Variants in PODN observed in about 807,000 individuals in gnomAD.
The protein encoded by PODN is podocan.
Under a neutral mutation model 52.7 loss-of-function variants are expected in PODN, and 40 were observed. That is an observed-to-expected ratio of 0.76 (90% CI 0.59 to 0.99). The LOEUF (loss-of-function observed/expected upper bound fraction) is 0.99. PODN is among the 50% of genes least tolerant of loss of function. The pLI is 0.00. For missense variants in PODN, 720 were observed against 815.1 expected, an observed-to-expected ratio of 0.88 and a Z score of 1.42; for synonymous variants, 396 against 377.9, an observed-to-expected ratio of 1.05 and a Z score of -0.56.
intron 4 of PODN, among the ~76,000 whole-genome samples, chr1:53,075,194 G>A (rs1004109646): frequency 1.3e-5 from 2 of 152,212 alleles, no homozygotes; most frequent in Admixed American, 6.5e-5. Flanking sequence ...TCCAGTGGTT[G>A]TCTCCAACTC....
chr1:53,077,067 C>T (rs1203672251), intron 5 of PODN, 123 bp from the exon 6 acceptor site: 1 of 1,261,362 alleles, frequency 7.9e-7, no homozygotes, highest in Non-Finnish European at 1.1e-6. Flanking sequence ...GTGCTTCTAA[C>T]TCTGTACCCT....
intron 10 of PODN, among the ~76,000 whole-genome samples, chr1:53,082,847 A>T (rs1644315020): frequency 6.6e-6 from 1 of 152,166 alleles, no homozygotes; most frequent in Non-Finnish European, 1.5e-5. Flanking sequence ...TGCCTAGACT[A>T]TGTACATACG....
At position 53,070,181 on chromosome 1, in the gene PODN, T is replaced by C; in HGVS notation, c.312+14T>C. The C allele has an allele frequency of 6.2e-7, 1 of 1,602,580 alleles. No homozygotes were observed. On this transcript the variant is annotated intron_variant, in intron 2 of 10. Coordinates refer to ENST00000312553, the MANE Select transcript of PODN (RefSeq NM_153703.5). ...CTATCTCTGCAGGTGAGGTCGGCGT[T>C]GCACCTGTGGTCACGGGGGCTGTCC...
chr1:53,077,895 C>A, intron 7 of PODN, 95 bp downstream of exon 7: 1 of 930,484 alleles, frequency 1.1e-6, no homozygotes, highest in South Asian at 1.6e-5. Flanking sequence ...CCCTCACGCA[C>A]GTCCCCTGCC....
At chr1:53,066,723 C>T (rs1644038010) in intron 1 of PODN, 2 of 1,265,406 alleles carry the variant, frequency 1.6e-6, no homozygotes, top group Admixed American at 2.2e-5. Flanking sequence ...CCCCATTGGG[C>T]TCAGCTCCCT....
intron 1 of PODN, among the ~76,000 whole-genome samples, chr1:53,067,630 C>G (rs530805497): frequency 1.3e-5 from 2 of 152,066 alleles, no homozygotes; most frequent in Admixed American, 6.5e-5. Flanking sequence ...AAAGCCCAAA[C>G]GAAGGTCCAG....
Position 53,080,941 on chromosome 1 carries a change from T to C in PODN, c.1661+65T>C, listed in dbSNP as rs556652138. The stretch of plus-strand genomic sequence containing the variant: ...GCCCACCCTGGCTCCAACGGGACAG[T>C]TGATGCACGTGGGAACAGCTTGGCT... On this transcript the variant is annotated intron_variant, in intron 9 of 10. Coordinates refer to ENST00000312553, the MANE Select transcript of PODN (RefSeq NM_153703.5). The C allele has an allele frequency of 6.3e-5, 99 of 1,583,324 alleles. No individual in the cohort carries two copies. The African/African-American group carries it at 1.1e-3, about 18-fold the overall frequency.
At chr1:53,070,261 C>G (rs987200369) in intron 2 of PODN, 94 bp downstream of exon 2, 26 of 1,552,842 alleles carry the variant, frequency 1.7e-5, no homozygotes, top group African/African-American at 6.9e-5. Context: ...AACTGTTCAC[C>G]CAGAACCTCC....
rs1274621922 is a variant in PODN, at chr1:53,073,256, G to A, written c.407-1350G>A. The A allele has an allele frequency of 1.4e-5, 3 of 211,762 alleles. No homozygotes were observed. In the South Asian group the frequency reaches 2.6e-4, roughly 19 times the overall value. 13.1% of individuals were successfully genotyped at this position (211,762 alleles called of 1,614,324 possible). A position where few individuals can be genotyped will look rare whatever the true frequency, so the allele number is the denominator to read the frequency against. The stretch of plus-strand genomic sequence containing the variant: ...GTGTTTCCCATGCTCTTCAATTTGT[G>A]TAATCCCTATGCAACAATGGCTGCA... On this transcript the variant is annotated intron_variant, in intron 3 of 10. Transcript: ENST00000312553.
At chr1:53,069,146 A>C (rs890711203) in intron 1 of PODN, among the ~76,000 whole-genome samples, 8 of 152,182 alleles carry the variant, frequency 5.3e-5, no homozygotes, top group Admixed American at 4.6e-4. Flanking sequence ...GGGTGAACAC[A>C]GTCATGGGGA....
At chr1:53,069,687 G>A in intron 1 of PODN, 114 bp from the exon 2 acceptor site, 2 of 1,412,310 alleles carry the variant, frequency 1.4e-6, no homozygotes, top group African/African-American at 1.5e-5. Context: ...GCGGAGGGCA[G>A]CAGTCAGTCA....
chr1:53,078,345 T>TA lies in PODN; in HGVS notation c.855-18dup. ...CAATGTGGGCTCTTGCCAACCGTCC[T>TA]AATTCCCTCCCTGCCCCAGGAAGCT... On this transcript the variant is annotated intron_variant, in intron 7 of 10. Coordinates refer to ENST00000312553, the MANE Select transcript of PODN (RefSeq NM_153703.5). 1 of 1,601,096 alleles carries TA rather than the reference T, an allele frequency of 6.2e-7. No homozygotes were observed. Among genetic ancestry groups the TA allele is most frequent in the Non-Finnish European group, 8.5e-7 (1 of 1,170,898 alleles).
intron 7 of PODN, 127 bp from the exon 8 acceptor site, chr1:53,078,236 CCA>C (rs983398775): frequency 1.1e-6 from 1 of 941,616 alleles, no homozygotes; most frequent in Non-Finnish European, 1.6e-6. Context: ...GACTGAGGGC[CCA>C]CAGTCAGTGA....
chr1:53,071,526 C>T lies in PODN; in HGVS notation c.313-9C>T, dbSNP rs768080082. ...GATGCTGCTTCCTTGCGGCCCCCTA[C>T]CCCCCTAGAACAACCAGCTGGAAAA... On this transcript the variant is annotated splice_polypyrimidine_tract_variant and intron_variant, in intron 2 of 10. Transcript: ENST00000312553. 2 of 1,610,452 alleles carry T rather than the reference C, an allele frequency of 1.2e-6. No individual in the cohort carries two copies. Among genetic ancestry groups the T allele is most frequent in the African/African-American group, 1.3e-5 (1 of 74,750 alleles).
At chr1:53,063,295 G>C (rs1643986257) in intron 1 of PODN, 2 of 928,460 alleles carry the variant, frequency 2.2e-6, no homozygotes, top group East Asian at 2.4e-4. Context: ...GCTGGTCCGG[G>C]AGGCGCGGAG....
chr1:53,066,586 C>T (rs944893016), intron 1 of PODN, among the ~76,000 whole-genome samples: 3 of 152,070 alleles, frequency 2.0e-5, no homozygotes, highest in Non-Finnish European at 4.4e-5. Flanking sequence ...GCAGAAGCCA[C>T]GCTGAGTCTT....
intron 1 of PODN, among the ~76,000 whole-genome samples, chr1:53,067,454 C>A (rs1047832862): frequency 1.3e-5 from 2 of 152,120 alleles, no homozygotes; most frequent in African/African-American, 4.8e-5. Flanking sequence ...GTGCCCAGTA[C>A]AGGCCCAGGC....
chr1:53,070,316 G>T, intron 2 of PODN, 149 bp downstream of exon 2: 1 of 1,290,320 alleles, frequency 7.8e-7, no homozygotes. Context: ...GCTGGGGCAG[G>T]TCAGATTTCT....
rs1644229050 is a variant in PODN at position 53,078,457 on chromosome 1, T to G, written c.947T>G (p.Leu316Trp). The G allele has an allele frequency of 6.2e-7, 1 of 1,613,324 alleles. No homozygotes were observed. The highest frequency in any genetic ancestry group is 8.5e-7 in the Non-Finnish European group (1 of 1,180,022). The change falls in exon 8 of 11, where the codon TTG becomes TGG. Residue 316 changes from leucine (L) to tryptophan (W), a missense_variant. By Grantham distance (61) the Leu-to-Trp change is moderately conservative. Transcript: ENST00000312553. ...GLPRSLVLLH[L>W]EKNAIRSVDA... ...CCGCGCAGCCTGGTGCTGCTGCACT[T>G]GGAGAAGAACGCCATCCGGAGCGTG...
Sources: allele counts gnomAD v4.1 joint callset (sites outside exome capture counted in the v4.1 genomes callset), GRCh38; gene constraint gnomAD v4.1.1; transcripts MANE v1.5; gene names NCBI Gene and HGNC (gene_info 2026-07-23, HGNC 2026-07-21).